The following GALNT5 variants were observed in gnomAD, a reference collection of about 807,000 sequenced individuals.
The protein encoded by GALNT5 is polypeptide N-acetylgalactosaminyltransferase 5, also known as UDP-GalNAc:polypeptide N-acetylgalactosaminyltransferase 5.
In GALNT5, 72 loss-of-function variants were observed where a neutral mutation model predicts 85.4. The observed-to-expected ratio is 0.84, with a 90% CI of 0.70 to 1.03. The LOEUF (loss-of-function observed/expected upper bound fraction) is 1.03, where lower values mean the gene tolerates loss of function less well. GALNT5 is among the 50% of genes least tolerant of loss of function. GALNT5 has a pLI of 0.00. For missense variants in GALNT5, 1,137 were observed against 1,135.5 expected (o/e 1.00, Z -0.02); for synonymous variants, 404 against 397.0 (o/e 1.02, Z -0.21).
intron 1 of GALNT5, among the ~76,000 whole-genome samples, chr2:157,265,407 TCTG>T (rs2105147650): frequency 6.6e-6 from 1 of 152,324 alleles, no homozygotes; most frequent in Non-Finnish European, 1.5e-5. Context: ...TAGTTCAAAT[TCTG>T]CTACTAGTTT....
intron 1 of GALNT5, among the ~76,000 whole-genome samples, chr2:157,260,436 T>C (rs1281259059): frequency 1.3e-5 from 2 of 152,228 alleles, no homozygotes; most frequent in African/African-American, 4.8e-5. Flanking sequence ...CAGATGTGGA[T>C]CAAAACATAG....
intron 1 of GALNT5, among the ~76,000 whole-genome samples, chr2:157,266,100 T>C (rs1272182005): frequency 6.6e-6 from 1 of 152,196 alleles, no homozygotes; most frequent in Admixed American, 6.5e-5. Flanking sequence ...TGGCAGTTCA[T>C]TTCATTGCAC....
rs1265548503 is a variant in GALNT5, at chr2:157,308,606, T to C, written c.2560T>C (p.Cys854Arg). Residue 854 changes from cysteine to arginine, a missense_variant, in exon 9 of 10, where the codon TGT becomes CGT. Coordinates refer to ENST00000259056, the MANE Select transcript of GALNT5 (RefSeq NM_014568.3). ...FNYTWLRLIK[C>R]GEWCIAPIPD... ...TTACACCTGGTTAAGACTTATTAAA[T>C]GTGGAGAATGGTGTATAGCCCCCAT... 6.2e-7 allele frequency: 1 copy of C among 1,613,312 alleles called. No individual in the cohort carries two copies. Among genetic ancestry groups the C allele is most frequent in the African/African-American group, 1.3e-5 (1 of 74,890 alleles).
At position 157,259,336 on chromosome 2, in the gene GALNT5, T is replaced by C. The variant is rs1331877954; in HGVS notation, c.1254T>C (p.Ser418=). Residue 418 remains serine (S), a synonymous_variant, in exon 1 of 10, where the codon AGT becomes AGC. Transcript: ENST00000259056. The part of the protein sequence containing the change: ...SHIKALLPED[S]GTHQVLRIDV... The stretch of plus-strand genomic sequence containing the variant: ...TAAAAGCCCTTTTACCTGAAGACAG[T>C]GGAACGCACCAGGTGTTAAGAATTG... The C allele has an allele frequency of 6.4e-7, 1 of 1,564,516 alleles. No homozygotes were observed. The highest frequency in any genetic ancestry group is 8.6e-7 in the Non-Finnish European group (1 of 1,157,864).
At chr2:157,292,332 TC>T (rs1308951656) in intron 3 of GALNT5, among the ~76,000 whole-genome samples, 1 of 152,102 alleles carries the variant, frequency 6.6e-6, no homozygotes, top group Non-Finnish European at 1.5e-5. Flanking sequence ...CGCAGAGAGC[TC>T]CCTGTTTTCT....
At chr2:157,291,637 C>CT (rs936350436) in intron 3 of GALNT5, among the ~76,000 whole-genome samples, 2 of 135,942 alleles carry the variant, frequency 1.5e-5, no homozygotes, top group South Asian at 2.7e-4. Flanking sequence ...CCACCCACCC[C>CT]CCCCCAGATT....
At chr2:157,291,548 G>T (rs1456322366) in intron 3 of GALNT5, among the ~76,000 whole-genome samples, 4 of 152,008 alleles carry the variant, frequency 2.6e-5, no homozygotes, top group Admixed American at 2.6e-4. Flanking sequence ...AATATTCCAG[G>T]CTGGTACACT....
rs1370844400 is a variant in GALNT5, at chr2:157,258,212, G to T, written c.130G>T (p.Val44Phe). 1 of 1,613,920 alleles carries T rather than the reference G, an allele frequency of 6.2e-7. No homozygotes were observed. The highest frequency in any genetic ancestry group is 1.7e-5 in the Admixed American group (1 of 59,988). ...CTCATTCAGTGAGATCAACACTCGG[G>T]TCATCAAGGAAGACATTGTGAGGAG... Reference protein sequence around the residue: ...RLSFSEINTRVIKEDIVRRER... With the variant: ...RLSFSEINTRFIKEDIVRRER... The change falls in exon 1 of 10, where the codon GTC becomes TTC. Residue 44 changes from valine (V) to phenylalanine (F), a missense_variant. Coordinates refer to ENST00000259056, the MANE Select transcript of GALNT5 (RefSeq NM_014568.3).
At chr2:157,279,623 C>G (rs1682814968) in intron 1 of GALNT5, among the ~76,000 whole-genome samples, 1 of 152,332 alleles carries the variant, frequency 6.6e-6, no homozygotes, top group Admixed American at 6.5e-5. Flanking sequence ...ACCTGCCAAG[C>G]CAGGCACAGG....
rs1256104730 is a variant in GALNT5, at chr2:157,275,341, AAGG to A, written c.1455-8938_1455-8936del. On this transcript the variant is annotated intron_variant, in intron 1 of 9. Coordinates refer to ENST00000259056, the MANE Select transcript of GALNT5 (RefSeq NM_014568.3). ...TTTTTTTGGTTCCATATGAACTTTA[AAGG>A]AGTTTTTTCCAATTCTGTGAAGAAA... 5.9e-5 allele frequency among the ~76,000 whole-genome samples: 9 copies of A among 152,172 alleles called. No individual in the cohort carries two copies. In the East Asian group the frequency reaches 1.7e-3, roughly 29 times the overall value.
intron 5 of GALNT5, among the ~76,000 whole-genome samples, chr2:157,298,158 C>T (rs1354570077): frequency 2.0e-5 from 3 of 152,088 alleles, no homozygotes; most frequent in African/African-American, 7.2e-5. Context: ...CAATTCATGC[C>T]GACTTCCTAA....
chr2:157,307,109 G>T (rs957577022), intron 8 of GALNT5, among the ~76,000 whole-genome samples: 1 of 151,954 alleles, frequency 6.6e-6, no homozygotes, highest in Non-Finnish European at 1.5e-5. Flanking sequence ...TGACCATTGA[G>T]TCTTTCTCAA....
intron 6 of GALNT5, among the ~76,000 whole-genome samples, chr2:157,300,173 A>G (rs1434712434): frequency 1.3e-5 from 2 of 152,250 alleles, no homozygotes; most frequent in Non-Finnish European, 2.9e-5. Flanking sequence ...AAGCCTTGGC[A>G]ACAGCAGTAG....
rs1683322934 is a variant in GALNT5 at position 157,300,737 on chromosome 2, G to C, written c.2177G>C (p.Arg726Thr). The stretch of plus-strand genomic sequence containing the variant: ...TGCTCCCGAGTGGGCCATATATTCA[G>C]AAATGACAATCCATATTCCTTCCCC... ...IPCSRVGHIF[R>T]NDNPYSFPKD... The change falls in exon 7 of 10, where the codon AGA (arginine) becomes ACA (threonine). Residue 726 changes from arginine to threonine, a missense_variant. Arg to Thr is a moderately conservative substitution (Grantham distance 71, BLOSUM62 -1). Transcript: ENST00000259056. The C allele has an allele frequency of 6.2e-7, 1 of 1,613,958 alleles. No homozygotes were observed. Among genetic ancestry groups the C allele is most frequent in the African/African-American group, 1.3e-5 (1 of 74,906 alleles).
chr2:157,299,493 A>T lies in GALNT5; in HGVS notation c.1998-55A>T, dbSNP rs560623255. The T allele has an allele frequency of 4.9e-6, 5 of 1,027,898 alleles. No individual in the cohort carries two copies. The East Asian group carries it at 1.2e-4, about 24-fold the overall frequency. The allele number at this position is 1,027,898 out of a possible 1,614,324, so 63.7% of individuals were successfully genotyped here. On this transcript the variant is annotated intron_variant, in intron 5 of 9. Transcript: ENST00000259056. ...TACAGATGTACAGAGGAACAACTCT[A>T]AAAGTCGAGCTTTCATGAGATGCAA...
At chr2:157,278,272 A>G (rs1047932561) in intron 1 of GALNT5, among the ~76,000 whole-genome samples, 1 of 151,892 alleles carries the variant, frequency 6.6e-6, no homozygotes, top group Non-Finnish European at 1.5e-5. Flanking sequence ...CTTCATTTCA[A>G]CTTTGGTGAA....
intron 5 of GALNT5, among the ~76,000 whole-genome samples, chr2:157,296,915 T>C (rs1213422000): frequency 6.6e-6 from 1 of 152,242 alleles, no homozygotes; most frequent in Non-Finnish European, 1.5e-5. Context: ...GGATTTTCTT[T>C]TACAGCCTAA....
At chr2:157,289,165 C>T (rs570748580) in intron 3 of GALNT5, among the ~76,000 whole-genome samples, 3 of 152,248 alleles carry the variant, frequency 2.0e-5, no homozygotes, top group South Asian at 2.1e-4. Context: ...ATGCTAGTAA[C>T]GGCCTCCAAC....
At chr2:157,289,008 G>C (rs1195577415) in intron 3 of GALNT5, among the ~76,000 whole-genome samples, 1 of 152,300 alleles carries the variant, frequency 6.6e-6, no homozygotes, top group African/African-American at 2.4e-5. Context: ...AACTGGAGGA[G>C]CAGGTTTGGA....
Sources: allele counts gnomAD v4.1 joint callset (sites outside exome capture counted in the v4.1 genomes callset), GRCh38; gene constraint gnomAD v4.1.1; transcripts MANE v1.5; gene names NCBI Gene and HGNC (gene_info 2026-07-23, HGNC 2026-07-21).